LRRC7: variants seen among roughly 807,000 people sequenced by gnomAD.
LRRC7 encodes the protein leucine rich repeat containing 7, also known as leucine-rich repeat-containing protein 7.
Under a neutral mutation model 175.7 loss-of-function variants are expected in LRRC7, and 23 were observed. The observed-to-expected ratio is 0.13, with a 90% CI of 0.09 to 0.19. LRRC7 has a LOEUF of 0.19. Among genes scored for constraint, LRRC7 ranks in the 10% least tolerant of loss-of-function variants. LRRC7 has a pLI of 1.00. For synonymous variants in LRRC7, 685 were observed against 680.9 expected, an observed-to-expected ratio of 1.01 and a Z score of -0.09; for missense variants, 1,354 against 1,904.7, an observed-to-expected ratio of 0.71 and a Z score of 5.38.
At chr1:70,008,311 A>T (rs1249243808) in intron 11 of LRRC7, among the ~76,000 whole-genome samples, 2 of 152,222 alleles carry the variant, frequency 1.3e-5, no homozygotes, top group Non-Finnish European at 2.9e-5. Context: ...CCACTGACTC[A>T]AATGTTAATC....
intron 2 of LRRC7, among the ~76,000 whole-genome samples, chr1:69,700,222 A>G (rs1663172821): frequency 6.6e-6 from 1 of 152,144 alleles, no homozygotes; most frequent in South Asian, 2.1e-4. Context: ...TGTTTGGGTG[A>G]TAGTTTTATT....
At chr1:70,046,949 C>T (rs1660377924) in intron 22 of LRRC7, among the ~76,000 whole-genome samples, 1 of 152,168 alleles carries the variant, frequency 6.6e-6, no homozygotes, top group African/African-American at 2.4e-5. Context: ...TTCCCTGAAC[C>T]CTTCTCCCCA....
chr1:69,886,761 G>T (rs190461553), intron 7 of LRRC7, among the ~76,000 whole-genome samples: 273 of 151,342 alleles, frequency 1.8e-3, no homozygotes, highest in Non-Finnish European at 3.1e-3. Context: ...GGTACTGGTT[G>T]TTCCTTTCCA....
At chr1:69,789,561 A>G (rs909352273) in intron 3 of LRRC7, among the ~76,000 whole-genome samples, 4 of 152,084 alleles carry the variant, frequency 2.6e-5, no homozygotes, top group African/African-American at 9.7e-5. Flanking sequence ...TTATATTAAG[A>G]AGTTCACTGT....
At chr1:69,568,862 G>T (rs1198452997) in intron 1 of LRRC7, among the ~76,000 whole-genome samples, 1 of 152,186 alleles carries the variant, frequency 6.6e-6, no homozygotes, top group Non-Finnish European at 1.5e-5. Flanking sequence ...TAACTGGGCG[G>T]GTGCATGGGA....
intron 1 of LRRC7, among the ~76,000 whole-genome samples, chr1:69,646,763 T>C (rs573575833): frequency 1.9e-4 from 29 of 152,296 alleles, no homozygotes; most frequent in Non-Finnish European, 3.7e-4. Context: ...ACCTCTATAG[T>C]AGTGCTTATC....
intron 7 of LRRC7, among the ~76,000 whole-genome samples, chr1:69,869,081 C>T (rs1685244909): frequency 6.6e-6 from 1 of 151,962 alleles, no homozygotes; most frequent in African/African-American, 2.4e-5. Context: ...AAATTTCAAC[C>T]TATGAATTTT....
intron 7 of LRRC7, among the ~76,000 whole-genome samples, chr1:69,914,970 A>C (rs1238825984): frequency 6.6e-6 from 1 of 152,176 alleles, no homozygotes; most frequent in Non-Finnish European, 1.5e-5. Flanking sequence ...AAACATTCAT[A>C]TTTAAACAAT....
At chr1:69,917,651 C>G (rs1227378082) in intron 7 of LRRC7, among the ~76,000 whole-genome samples, 2 of 152,008 alleles carry the variant, frequency 1.3e-5, no homozygotes, top group African/African-American at 4.8e-5. Context: ...AGATAGTCCC[C>G]CACAACAAAC....
chr1:69,807,451 T>C (rs1677260682), intron 4 of LRRC7, among the ~76,000 whole-genome samples: 1 of 152,082 alleles, frequency 6.6e-6, no homozygotes. Flanking sequence ...TTCCTTTCCA[T>C]GTTTAGTGCT....
intron 26 of LRRC7, among the ~76,000 whole-genome samples, chr1:70,113,722 A>G (rs1029328120): frequency 7.5e-5 from 11 of 146,250 alleles, no homozygotes; most frequent in Non-Finnish European, 1.5e-4. Context: ...TTTTTGACAT[A>G]TCTTCAAAAA....
chr1:69,754,476 A>T (rs1056718050), intron 2 of LRRC7, among the ~76,000 whole-genome samples: 4 of 152,068 alleles, frequency 2.6e-5, no homozygotes, highest in African/African-American at 9.7e-5. Context: ...AAACTAGGTC[A>T]GTGGTACTGC....
intron 1 of LRRC7, among the ~76,000 whole-genome samples, chr1:69,599,274 G>C (rs549110590): frequency 6.6e-6 from 1 of 152,128 alleles, no homozygotes; most frequent in Non-Finnish European, 1.5e-5. Flanking sequence ...AAAAATAATT[G>C]TGTATATCTG....
intron 22 of LRRC7, among the ~76,000 whole-genome samples, chr1:70,052,044 G>A (rs574415725): frequency 6.6e-6 from 1 of 152,086 alleles, no homozygotes; most frequent in African/African-American, 2.4e-5. Context: ...TTTATCAGTA[G>A]GGATCCTTTA....
At chr1:69,855,551 T>C (rs545538500) in intron 7 of LRRC7, among the ~76,000 whole-genome samples, 1 of 152,258 alleles carries the variant, frequency 6.6e-6, no homozygotes, top group African/African-American at 2.4e-5. Flanking sequence ...TCCAACTATG[T>C]GGTCAATTTT....
chr1:69,568,139 C>T lies in LRRC7; in HGVS notation c.-501C>T, dbSNP rs1447343850. ...CTGCGCCCTGGCCCCTGGGGATCCT[C>T]GCCCTGCACAGGCGCGGCAACGGGC... On this transcript the variant is annotated 5_prime_UTR_variant, in exon 1 of 27. Transcript: ENST00000651989. Among the ~76,000 whole-genome samples, 1 of 152,120 alleles carries T rather than the reference C, an allele frequency of 6.6e-6. No homozygotes were observed. Among genetic ancestry groups the T allele is most frequent in the East Asian group, 1.9e-4 (1 of 5,144 alleles).
chr1:69,882,726 C>A (rs1686754556), intron 7 of LRRC7, among the ~76,000 whole-genome samples: 1 of 150,738 alleles, frequency 6.6e-6, no homozygotes, highest in Non-Finnish European at 1.5e-5. Context: ...AACCCGTCAT[C>A]TAGCATTAGG....
chr1:69,790,685 T>C (rs1353691730), intron 3 of LRRC7, among the ~76,000 whole-genome samples: 1 of 151,888 alleles, frequency 6.6e-6, no homozygotes, highest in East Asian at 1.9e-4. Context: ...ATAAATTAAC[T>C]TATACCAGGA....
At chr1:70,120,603 T>C (rs1310492036) in intron 26 of LRRC7, among the ~76,000 whole-genome samples, 1 of 152,104 alleles carries the variant, frequency 6.6e-6, no homozygotes, top group Non-Finnish European at 1.5e-5. Context: ...TATTAAGTGA[T>C]TGGTTATCTG....
Sources: allele counts gnomAD v4.1 joint callset (sites outside exome capture counted in the v4.1 genomes callset), GRCh38; gene constraint gnomAD v4.1.1; transcripts MANE v1.5; gene names NCBI Gene and HGNC (gene_info 2026-07-23, HGNC 2026-07-21).